Variants in CD8B observed in about 807,000 individuals in gnomAD.
CD8B encodes the protein CD8 subunit beta, also known as T-cell surface glycoprotein CD8 beta chain.
In CD8B, 6 loss-of-function variants were observed where a neutral mutation model predicts 24.2. The observed-to-expected ratio is 0.25, with a 90% CI of 0.14 to 0.49. The LOEUF (loss-of-function observed/expected upper bound fraction) is 0.49, where lower values mean the gene tolerates loss of function less well. CD8B is among the 20% of genes least tolerant of loss of function. The pLI, the probability that CD8B is intolerant of heterozygous loss-of-function variation, is 0.98. For synonymous variants in CD8B, 84 were observed against 108.3 expected (o/e 0.78, Z 1.39); for missense variants, 196 against 271.3 (o/e 0.72, Z 1.95).
At chr2:86,860,267 C>G (rs1305144220) in intron 1 of CD8B, among the ~76,000 whole-genome samples, 1 of 152,144 alleles carries the variant, frequency 6.6e-6, no homozygotes, top group Non-Finnish European at 1.5e-5. Context: ...AAGACTCCAT[C>G]TTGGAAAAGA....
At chr2:86,858,609 A>T (rs1676408512) in intron 1 of CD8B, among the ~76,000 whole-genome samples, 193 bp from the exon 2 acceptor site, 1 of 138,398 alleles carries the variant, frequency 7.2e-6, no homozygotes, top group Admixed American at 7.1e-5. Context: ...CCAGGAGATC[A>T]TCTGGAAGGG....
intron 5 of CD8B, among the ~76,000 whole-genome samples, chr2:86,818,229 A>T (rs995528164): frequency 2.0e-5 from 3 of 152,014 alleles, no homozygotes; most frequent in Non-Finnish European, 2.9e-5. Context: ...AATAAATAAA[A>T]ATAAATAAAT....
At chr2:86,860,284 T>G (rs1366393400) in intron 1 of CD8B, among the ~76,000 whole-genome samples, 2 of 152,072 alleles carry the variant, frequency 1.3e-5, no homozygotes. Context: ...AAGAAAAAAT[T>G]ATTAAAAAAT....
chr2:86,831,743 C>T (rs573249502), intron 5 of CD8B, among the ~76,000 whole-genome samples: 7 of 152,184 alleles, frequency 4.6e-5, no homozygotes, highest in Admixed American at 1.3e-4. Context: ...CAGGGAGACA[C>T]GGGTGGTCAA....
At chr2:86,837,272 G>C (rs944144436), downstream of CD8B, among the ~76,000 whole-genome samples, 11 of 152,218 alleles carry the variant, frequency 7.2e-5, no homozygotes, top group Non-Finnish European at 1.3e-4. Flanking sequence ...AATGGGAAAA[G>C]CAGGATCCAG....
intron 2 of CD8B, among the ~76,000 whole-genome samples, chr2:86,857,169 G>A (rs1676308375): frequency 6.6e-6 from 1 of 151,990 alleles, no homozygotes; most frequent in South Asian, 2.1e-4. Flanking sequence ...GCAGAGCTGG[G>A]CCTGGCTCAG....
At chr2:86,834,467 T>TACACACACACACACACAC (rs59177290), downstream of CD8B, among the ~76,000 whole-genome samples, 129 of 146,780 alleles carry the variant, frequency 8.8e-4, no homozygotes, top group African/African-American at 3.0e-3. Flanking sequence ...TTTCTTCTCT[T>TACACACACACACACACAC]ACACACACAC....
chr2:86,823,013 A>G lies in CD8B; in HGVS notation c.621-7295T>C, dbSNP rs1032489586. ...TACCATTTTAGTCATTTCTAAGTAT[A>G]CACTCCACTGGCATTAAGTATATTT... On this transcript the variant is annotated intron_variant, in intron 5 of 5. Coordinates refer to the CD8B transcript ENST00000331469. Among the ~76,000 whole-genome samples the G allele has an allele frequency of 1.3e-4, 20 of 152,214 alleles. 1 individual carries two copies. The highest frequency in any genetic ancestry group is 2.6e-4 in the Admixed American group (4 of 15,274).
At chr2:86,849,625 A>C (rs1479036529) in intron 3 of CD8B, among the ~76,000 whole-genome samples, 1 of 152,104 alleles carries the variant, frequency 6.6e-6, no homozygotes, top group African/African-American at 2.4e-5. Context: ...CAACTTGGTA[A>C]ATTTACCCAA....
chr2:86,829,071 T>TACCA (rs1219138989), intron 5 of CD8B, among the ~76,000 whole-genome samples: 1 of 150,658 alleles, frequency 6.6e-6, no homozygotes, highest in African/African-American at 2.4e-5. Context: ...CATTTGGAGT[T>TACCA]ACCATTTTGG....
chr2:86,817,348 A>T (rs898786994), intron 5 of CD8B, among the ~76,000 whole-genome samples: 4 of 152,196 alleles, frequency 2.6e-5, no homozygotes, highest in Non-Finnish European at 5.9e-5. Context: ...TGTTCACAGA[A>T]GCACAAACAA....
chr2:86,838,199 A>G lies in CD8B; in HGVS notation c.*4108T>C, dbSNP rs1441338639. Among the ~76,000 whole-genome samples, 3 of 152,192 alleles carry G rather than the reference A, an allele frequency of 2.0e-5. No individual in the cohort carries two copies. The highest frequency in any genetic ancestry group is 4.4e-5 in the Non-Finnish European group (3 of 68,042). On this transcript the variant is annotated 3_prime_UTR_variant, in exon 6 of 6. Transcript: ENST00000390655. ...CCAAACTTTTAATTGCTTTTTCCCCAACTACAAAAGTAATACATGATGTAA... is the reference window on the plus strand; with the variant it reads ...CCAAACTTTTAATTGCTTTTTCCCCGACTACAAAAGTAATACATGATGTAA...
chr2:86,835,311 G>A (rs1415517405), downstream of CD8B, among the ~76,000 whole-genome samples: 1 of 152,220 alleles, frequency 6.6e-6, no homozygotes, highest in Non-Finnish European at 1.5e-5. Flanking sequence ...TCTTGTGGAA[G>A]CCACCCTACC....
In CD8B at chr2:86,858,261, G is replaced by A. The variant is rs758184342; in HGVS notation, c.199C>T (p.His67Tyr). The change falls in exon 2 of 6, where the codon CAC becomes TAC. Residue 67 changes from histidine to tyrosine, a missense_variant. His to Tyr is a moderately conservative substitution (Grantham distance 83). Coordinates refer to ENST00000390655, the MANE Select transcript of CD8B (RefSeq NM_004931.5). ...GAATCCCAGAGGGCCAGGAACTCGT[G>A]GTGACTGTCACTGCTCGGTGCCTGG... Reference protein sequence around the residue: ...QRQAPSSDSHHEFLALWDSAK... With the variant: ...QRQAPSSDSHYEFLALWDSAK... 3.7e-6 allele frequency: 6 copies of A among 1,614,020 alleles called. No individual in the cohort carries two copies. In the Admixed American group the frequency reaches 8.3e-5, roughly 22 times the overall value.
At chr2:86,815,835 AT>A in intron 5 of CD8B, 1 of 700,808 alleles carries the variant, frequency 1.4e-6, no homozygotes, top group South Asian at 1.7e-5. Flanking sequence ...GTTGTGTCAA[AT>A]TCAACACAGA....
At chr2:86,842,889 G>A (rs1005016246) in intron 5 of CD8B, among the ~76,000 whole-genome samples, 7 of 152,180 alleles carry the variant, frequency 4.6e-5, no homozygotes, top group Non-Finnish European at 8.8e-5. Context: ...GTCCCCCCAC[G>A]ACCACCCAGA....
At chr2:86,821,858 A>G (rs1325365088) in intron 5 of CD8B, 2 of 289,640 alleles carry the variant, frequency 6.9e-6, no homozygotes, top group Admixed American at 3.6e-5. Flanking sequence ...CCCCTGGTTA[A>G]TTCCTTCGCT....
intron 3 of CD8B, among the ~76,000 whole-genome samples, chr2:86,851,646 A>C (rs1675980822): frequency 6.6e-6 from 1 of 152,196 alleles, no homozygotes; most frequent in Non-Finnish European, 1.5e-5. Context: ...AAAATATTTA[A>C]GACAAAGCAA....
chr2:86,820,147 T>TG (rs1674403609), intron 5 of CD8B, among the ~76,000 whole-genome samples: 1 of 152,224 alleles, frequency 6.6e-6, no homozygotes, highest in African/African-American at 2.4e-5. Flanking sequence ...CTACTCCTGG[T>TG]GAAGATGGTG....
Sources: allele counts gnomAD v4.1 joint callset (sites outside exome capture counted in the v4.1 genomes callset), GRCh38; gene constraint gnomAD v4.1.1; transcripts MANE v1.5; gene names NCBI Gene and HGNC (gene_info 2026-07-23, HGNC 2026-07-21).